The following BAIAP2L2 variants were observed in gnomAD, a reference collection of about 807,000 sequenced individuals.
The protein encoded by BAIAP2L2 is BAR/IMD domain containing adaptor protein 2 like 2, also known as BAR/IMD domain-containing adapter protein 2-like 2.
In BAIAP2L2, 65 loss-of-function variants were observed where a neutral mutation model predicts 60.4. The observed-to-expected ratio is 1.08, with a 90% CI of 0.88 to 1.32. The LOEUF is 1.32. Among genes scored for constraint, BAIAP2L2 ranks in the 40% most tolerant of loss-of-function variants. The probability of loss-of-function intolerance (pLI) is 0.00; values close to 1 mark genes in which losing one functional copy is unlikely to be tolerated. For missense variants in BAIAP2L2, 836 were observed against 741.2 expected, an observed-to-expected ratio of 1.13 and a Z score of -1.48; for synonymous variants, 344 against 301.7, an observed-to-expected ratio of 1.14 and a Z score of -1.45.
Position 38,085,297 on chromosome 22 carries a change from G to A in BAIAP2L2, c.*3C>T, listed in dbSNP as rs148327816. On this transcript the variant is annotated 3_prime_UTR_variant, in exon 14 of 14. Coordinates refer to ENST00000381669, the MANE Select transcript of BAIAP2L2 (RefSeq NM_025045.6). Reference sequence around the variant, plus strand: ...ACTGTGGGGTACGACCTCGGACCCCGCCTCAGCGGATGAGGGGTGCTGAGC... The same window carrying A: ...ACTGTGGGGTACGACCTCGGACCCCACCTCAGCGGATGAGGGGTGCTGAGC... The A allele has an allele frequency of 4.9e-3, 7,883 of 1,613,534 alleles. 29 individuals are homozygous for A. The highest frequency in any genetic ancestry group is 5.9e-3 in the Non-Finnish European group (6,957 of 1,179,574).
At chr22:38,107,055 T>C (rs1483186399) in intron 4 of BAIAP2L2, among the ~76,000 whole-genome samples, 1 of 152,186 alleles carries the variant, frequency 6.6e-6, no homozygotes, top group Non-Finnish European at 1.5e-5. Flanking sequence ...TCAAGAACCC[T>C]GGGAGGCAGT....
At chr22:38,089,283 G>GGGGGGCC in intron 8 of BAIAP2L2, 52 bp from the exon 9 acceptor site, 1 of 145,680 alleles carries the variant, frequency 6.9e-6, no homozygotes, top group Non-Finnish European at 1.3e-5. Flanking sequence ...GGGGGGCGGG[G>GGGGGGCC]CCGCGCCCTA....
At chr22:38,102,840 C>T (rs1283118491) in intron 4 of BAIAP2L2, among the ~76,000 whole-genome samples, 1 of 152,026 alleles carries the variant, frequency 6.6e-6, no homozygotes, top group East Asian at 1.9e-4. Flanking sequence ...GATATCAAGA[C>T]CATCCTGGCT....
At chr22:38,099,403 G>A (rs2086518345) in intron 4 of BAIAP2L2, among the ~76,000 whole-genome samples, 2 of 152,214 alleles carry the variant, frequency 1.3e-5, no homozygotes, top group South Asian at 4.2e-4. Flanking sequence ...GCATGGTGGT[G>A]CGTGCCTGTA....
chr22:38,096,089 T>A (rs1020549994), intron 7 of BAIAP2L2, among the ~76,000 whole-genome samples: 1 of 152,148 alleles, frequency 6.6e-6, no homozygotes, highest in African/African-American at 2.4e-5. Context: ...ACAGAAAGTA[T>A]ACTTAACATA....
rs551506196 is a variant in BAIAP2L2 at position 38,110,516 on chromosome 22, C to T, written c.10G>A (p.Glu4Lys). MAP[E>K]MDQFYRSTMA... ...GTGGACCTGTAGAACTGGTCCATCT[C>T]GGGGGCCATGGAGGGGCTGTCCCGG... is the stretch of plus-strand genomic sequence containing the variant. Residue 4 changes from glutamate to lysine, a missense_variant, in exon 1 of 14, where the codon GAG becomes AAG. Physicochemically the swap from Glu to Lys is moderately conservative, Grantham distance 56 (BLOSUM62 1). Transcript: ENST00000381669. 2.0e-5 allele frequency: 32 copies of T among 1,610,912 alleles called. No homozygotes were observed. Among genetic ancestry groups the T allele is most frequent in the South Asian group, 1.8e-4 (16 of 90,794 alleles).
At chr22:38,093,910 G>C in intron 7 of BAIAP2L2, 1 of 456,482 alleles carries the variant, frequency 2.2e-6, no homozygotes, top group South Asian at 1.5e-5. Context: ...CAGCGCAGCA[G>C]TGGTCATGAC....
In BAIAP2L2 at chr22:38,097,075, T is replaced by C; in HGVS notation, c.569A>G (p.Lys190Arg). Residue 190 changes from lysine to arginine, a missense_variant, in exon 7 of 14, where the codon AAG becomes AGG. Physicochemically the swap from Lys to Arg is conservative, Grantham distance 26 (BLOSUM62 2). Coordinates refer to ENST00000381669, the MANE Select transcript of BAIAP2L2 (RefSeq NM_025045.6). ...GAAGGTGTTGGAAAGTAGCAGGTGC[T>C]TCTCTGCTAGGAAGCGATAGCGCCG... is the stretch of plus-strand genomic sequence containing the variant. ...EKRRYRFLAE[K>R]HLLLSNTFLQ... The C allele has an allele frequency of 6.2e-7, 1 of 1,614,084 alleles. No individual in the cohort carries two copies. Among genetic ancestry groups the C allele is most frequent in the Middle Eastern group, 1.6e-4 (1 of 6,062 alleles).
intron 7 of BAIAP2L2, among the ~76,000 whole-genome samples, chr22:38,096,406 G>T (rs572892292): frequency 6.6e-6 from 1 of 152,316 alleles, no homozygotes; most frequent in Admixed American, 6.5e-5. Context: ...TGTAATCGCA[G>T]CACTTTGGGA....
intron 2 of BAIAP2L2, 31 bp from the exon 3 acceptor site, chr22:38,108,372 G>C: frequency 6.4e-7 from 1 of 1,552,316 alleles, no homozygotes; most frequent in Non-Finnish European, 8.8e-7. Context: ...GTCTGGTCCA[G>C]CCCTGCCTCT....
At chr22:38,106,391 G>A (rs1602031050) in intron 4 of BAIAP2L2, among the ~76,000 whole-genome samples, 1 of 151,940 alleles carries the variant, frequency 6.6e-6, no homozygotes, top group Non-Finnish European at 1.5e-5. Context: ...ATGATGACAG[G>A]TGCCTGTAAT....
chr22:38,085,840 G>C, intron 12 of BAIAP2L2, 108 bp from the exon 13 acceptor site: 2 of 1,106,082 alleles, frequency 1.8e-6, no homozygotes, highest in East Asian at 2.4e-5. Context: ...GGGCCAGAGA[G>C]CCCCTGCCAT....
chr22:38,107,729 T>G, intron 4 of BAIAP2L2, 123 bp downstream of exon 4: 1 of 868,204 alleles, frequency 1.2e-6, no homozygotes. Flanking sequence ...CAGAGCCGGG[T>G]GCTGGGAAGG....
chr22:38,107,895 A>T lies in BAIAP2L2; in HGVS notation c.233T>A (p.Met78Lys). Reference sequence around the variant, plus strand: ...GTTCAAGTGCCGCTGGGTGTCAGACATCTGCACCAAGATCTCCCCTGGAGG... The same window carrying T: ...GTTCAAGTGCCGCTGGGTGTCAGACTTCTGCACCAAGATCTCCCCTGGAGG... ...SQILGEILVQ[M>K]SDTQRHLNSD... Residue 78 changes from methionine to lysine, a missense_variant, in exon 4 of 14, where the codon ATG becomes AAG. Coordinates refer to ENST00000381669, the MANE Select transcript of BAIAP2L2 (RefSeq NM_025045.6). 1 of 1,613,504 alleles carries T rather than the reference A, an allele frequency of 6.2e-7. No individual in the cohort carries two copies. Among genetic ancestry groups the T allele is most frequent in the Non-Finnish European group, 8.5e-7 (1 of 1,179,956 alleles).
At chr22:38,087,027 C>G (rs1337447267) in intron 11 of BAIAP2L2, 97 bp downstream of exon 11, 1 of 1,225,804 alleles carries the variant, frequency 8.2e-7, no homozygotes, top group Non-Finnish European at 1.1e-6. Flanking sequence ...AACAAAAAAA[C>G]AAAAAAACAA....
At chr22:38,089,989 C>G (rs2086242830) in intron 7 of BAIAP2L2, 1 of 239,274 alleles carries the variant, frequency 4.2e-6, no homozygotes, top group African/African-American at 2.3e-5. Flanking sequence ...CACTCAATCA[C>G]CCCATCCTCC....
At chr22:38,096,231 T>G (rs1476488955) in intron 7 of BAIAP2L2, among the ~76,000 whole-genome samples, 1 of 152,204 alleles carries the variant, frequency 6.6e-6, no homozygotes, top group Non-Finnish European at 1.5e-5. Context: ...AGAATAGTTA[T>G]AGCCAAAAAA....
Position 38,086,446 on chromosome 22 carries a change from GGA to G in BAIAP2L2, c.1261_1262del (p.Ser421LeufsTer11), listed in dbSNP as rs2086076167. 1.3e-6 allele frequency: 2 copies of G among 1,503,746 alleles called. No individual in the cohort carries two copies. The highest frequency in any genetic ancestry group is 4.9e-5 in the East Asian group (2 of 40,570). 93.2% of individuals were successfully genotyped at this position (1,503,746 alleles called of 1,614,324 possible). On this transcript the variant is annotated frameshift_variant and splice_region_variant, in exon 12 of 14. Transcript: ENST00000381669. LOFTEE classifies it high-confidence loss of function. ...GGCTGTGGCTGCCCCGGAGTGGGTAGGACCTAAGTCCAGAGAAAGGAGGGGGA... is the reference window on the plus strand; with the variant it reads ...GGCTGTGGCTGCCCCGGAGTGGGTAGCCTAAGTCCAGAGAAAGGAGGGGGA... ...MNPGNELPSR[S>X]YPLRGSHSLD...
At position 38,088,906 on chromosome 22, in the gene BAIAP2L2, C is replaced by G. The variant is rs2086186689; in HGVS notation, c.960G>C (p.Pro320=). 1 of 1,560,926 alleles carries G rather than the reference C, an allele frequency of 6.4e-7. No homozygotes were observed. Among genetic ancestry groups the G allele is most frequent in the Non-Finnish European group, 8.6e-7 (1 of 1,160,984 alleles). ...SSRSNSFGER[P]GGGGGARRVR... The stretch of plus-strand genomic sequence containing the variant: ...CTCTCCTGGCGCCCCCGCCGCCGCC[C>G]GGGCGCTCGCCAAAGGAGTTGGAGC... The change falls in exon 10 of 14, where the codon CCG becomes CCC. Residue 320 remains proline, a synonymous_variant. Coordinates refer to ENST00000381669, the MANE Select transcript of BAIAP2L2 (RefSeq NM_025045.6).
Sources: gnomAD v4.1 joint callset for allele counts (sites outside exome capture counted in the v4.1 genomes callset) on GRCh38, gnomAD v4.1.1 for gene constraint, MANE v1.5 for transcripts, NCBI Gene and HGNC (gene_info 2026-07-23, HGNC 2026-07-21) for gene names.